The following BCL2 variants were observed in gnomAD, a reference collection of about 807,000 sequenced individuals.
BCL2 encodes the protein BCL2 apoptosis regulator.
BCL2 carries 1 observed loss-of-function variant against 14.2 expected under a neutral mutation model. That is an observed-to-expected ratio of 0.07 (90% CI 0.02 to 0.33). The LOEUF (loss-of-function observed/expected upper bound fraction) is 0.33, where lower values mean the gene tolerates loss of function less well. BCL2 is among the 10% of genes least tolerant of loss of function. The pLI is 0.99. For missense variants in BCL2, 247 were observed against 305.9 expected (o/e 0.81, Z 1.44); for synonymous variants, 151 against 137.2 (o/e 1.10, Z -0.70).
intron 2 of BCL2, among the ~76,000 whole-genome samples, chr18:63,154,122 T>C (rs926542896): frequency 6.6e-6 from 1 of 152,160 alleles, no homozygotes; most frequent in South Asian, 2.1e-4. Context: ...AAGGGTCTAA[T>C]CAGCCCCCTT....
intron 2 of BCL2, chr18:63,302,176 C>CA (rs1047319276): frequency 2.6e-5 from 6 of 232,458 alleles, no homozygotes; most frequent in African/African-American, 9.4e-5. Flanking sequence ...AAAAAAAATA[C>CA]AAAAAAATGA....
chr18:63,142,677 C>A lies in BCL2; in HGVS notation c.586-13918G>T, dbSNP rs184831529. Among the ~76,000 whole-genome samples the A allele has an allele frequency of 8.1e-4, 124 of 152,328 alleles. 3 individuals are homozygous for A. The highest frequency in any genetic ancestry group is 7.9e-3 in the Admixed American group (121 of 15,308). ...GGGAGAGGCTTCTTATCCACACCAT[C>A]AATCTACCGATCAGGAAGAGAAGAA... On this transcript the variant is annotated intron_variant, in intron 2 of 2. Transcript: ENST00000333681.
chr18:63,165,623 C>T (rs1259599747), intron 2 of BCL2, among the ~76,000 whole-genome samples: 3 of 152,306 alleles, frequency 2.0e-5, no homozygotes, highest in South Asian at 2.1e-4. Context: ...GAAAAGGAGC[C>T]GTGGAGAAAC....
chr18:63,221,688 C>T (rs1019004826), intron 2 of BCL2, among the ~76,000 whole-genome samples: 2 of 152,184 alleles, frequency 1.3e-5, no homozygotes, highest in Non-Finnish European at 2.9e-5. Flanking sequence ...CAAAAAGTCA[C>T]CCTAACCATG....
At chr18:63,145,081 AG>A (rs1453678945) in intron 2 of BCL2, among the ~76,000 whole-genome samples, 4 of 152,228 alleles carry the variant, frequency 2.6e-5, no homozygotes, top group Non-Finnish European at 5.9e-5. Flanking sequence ...TCCTATTTAC[AG>A]GGCTGCTTCA....
chr18:63,261,537 T>C (rs901490567), intron 2 of BCL2, among the ~76,000 whole-genome samples: 1 of 152,116 alleles, frequency 6.6e-6, no homozygotes, highest in African/African-American at 2.4e-5. Flanking sequence ...TTTCCTCCCA[T>C]AAGACAACTC....
At chr18:63,265,917 T>C (rs1233622793) in intron 2 of BCL2, among the ~76,000 whole-genome samples, 3 of 152,252 alleles carry the variant, frequency 2.0e-5, no homozygotes, top group African/African-American at 4.8e-5. Context: ...TTTTATTATA[T>C]AGGCAAGGGT....
At position 63,149,012 on chromosome 18, in the gene BCL2, C is replaced by T. The variant is rs1295562555; in HGVS notation, c.586-20253G>A. Reference sequence around the variant, plus strand: ...GGCCTCCCTAAATGTAGCTATGACTCCCAGCTAAACGGGCCTGCCCAGAGC... The same window carrying T: ...GGCCTCCCTAAATGTAGCTATGACTTCCAGCTAAACGGGCCTGCCCAGAGC... On this transcript the variant is annotated intron_variant, in intron 2 of 2. Transcript: ENST00000333681. The surrounding 1 kb of genome is among the most constrained non-coding windows in gnomAD (Gnocchi z 4.2). Among the ~76,000 whole-genome samples the T allele has an allele frequency of 6.6e-6, 1 of 152,208 alleles. No individual in the cohort carries two copies. Among genetic ancestry groups the T allele is most frequent in the East Asian group, 1.9e-4 (1 of 5,202 alleles).
chr18:63,166,738 CAT>C (rs1413442202), intron 2 of BCL2, among the ~76,000 whole-genome samples: 3 of 152,162 alleles, frequency 2.0e-5, no homozygotes, highest in Admixed American at 2.0e-4. Context: ...TGAGGTATCA[CAT>C]AGGTTAAGTT....
intron 2 of BCL2, among the ~76,000 whole-genome samples, chr18:63,202,275 C>T (rs1909716317): frequency 6.6e-6 from 1 of 152,210 alleles, no homozygotes; most frequent in African/African-American, 2.4e-5. Flanking sequence ...GGCCACTGCA[C>T]TCCAGCCTGG....
chr18:63,129,151 G>T (rs933362075), intron 2 of BCL2, among the ~76,000 whole-genome samples: 7 of 152,130 alleles, frequency 4.6e-5, no homozygotes, highest in African/African-American at 7.2e-5. Flanking sequence ...TAGAGGTTTT[G>T]CAATTTTAGC....
At chr18:63,284,527 A>ACTTTGCCT (rs1912409664) in intron 2 of BCL2, among the ~76,000 whole-genome samples, 1 of 152,182 alleles carries the variant, frequency 6.6e-6, no homozygotes, top group Non-Finnish European at 1.5e-5. Context: ...AACAAGGCAG[A>ACTTTGCCT]CTTTGCCTGG....
chr18:63,136,294 C>T (rs560288002), intron 2 of BCL2, among the ~76,000 whole-genome samples: 14 of 152,270 alleles, frequency 9.2e-5, no homozygotes, highest in African/African-American at 3.4e-4. Flanking sequence ...CTTTCTAAGA[C>T]ATCCCCTAGG....
At chr18:63,296,574 G>C (rs1382330228) in intron 2 of BCL2, among the ~76,000 whole-genome samples, 1 of 152,192 alleles carries the variant, frequency 6.6e-6, no homozygotes, top group South Asian at 2.1e-4. Flanking sequence ...ACAGTGCGGG[G>C]ATTACAGGCA....
chr18:63,248,187 A>G (rs1911205648), intron 2 of BCL2, among the ~76,000 whole-genome samples: 1 of 152,338 alleles, frequency 6.6e-6, no homozygotes, highest in South Asian at 2.1e-4. Flanking sequence ...CAATCTGCCA[A>G]AATGTTTCCA....
At chr18:63,146,189 CAG>C (rs746546995) in intron 2 of BCL2, among the ~76,000 whole-genome samples, 27 of 152,196 alleles carry the variant, frequency 1.8e-4, no homozygotes, top group Non-Finnish European at 2.8e-4. Flanking sequence ...ACAGAAAACT[CAG>C]AGCCTGAATT....
intron 2 of BCL2, among the ~76,000 whole-genome samples, chr18:63,289,251 G>C (rs1912567563): frequency 6.6e-6 from 1 of 151,990 alleles, no homozygotes; most frequent in South Asian, 2.1e-4. Flanking sequence ...AAGAGCATGT[G>C]ACAAGGCCTG....
chr18:63,179,145 T>C (rs1482632339), intron 2 of BCL2, among the ~76,000 whole-genome samples: 1 of 152,174 alleles, frequency 6.6e-6, no homozygotes, highest in African/African-American at 2.4e-5. Flanking sequence ...TTTTAACCTA[T>C]TTTCCTGCCC....
chr18:63,215,246 T>C (rs752382274), intron 2 of BCL2, among the ~76,000 whole-genome samples: 8 of 152,222 alleles, frequency 5.3e-5, no homozygotes, highest in Non-Finnish European at 7.3e-5. Context: ...CGAATCACCA[T>C]GCCATTTAGA....
Sources: allele counts gnomAD v4.1 joint callset (sites outside exome capture counted in the v4.1 genomes callset), GRCh38; gene constraint gnomAD v4.1.1; non-coding constraint Gnocchi (gnomAD v3.1); transcripts MANE v1.5; gene names NCBI Gene and HGNC (gene_info 2026-07-23, HGNC 2026-07-21).